The following BMPER variants were observed in gnomAD, a reference collection of about 807,000 sequenced individuals.
BMPER encodes BMP-binding endothelial regulator protein.
A neutral mutation model predicts 87.3 loss-of-function variants in BMPER; 45 were observed. That is an observed-to-expected ratio of 0.52 (90% CI 0.41 to 0.66). BMPER has a LOEUF of 0.66. BMPER is among the 30% of genes least tolerant of loss of function. The pLI is 0.00. For missense variants in BMPER, 784 were observed against 867.5 expected (o/e 0.90, Z 1.21); for synonymous variants, 326 against 316.2 (o/e 1.03, Z -0.33).
At chr7:34,040,936 G>A (rs979887644) in intron 6 of BMPER, among the ~76,000 whole-genome samples, 1 of 152,292 alleles carries the variant, frequency 6.6e-6, no homozygotes, top group Admixed American at 6.5e-5. Context: ...TAACAAAAAT[G>A]TGGGCAATAT....
At chr7:34,003,193 A>G (rs1786631818) in intron 6 of BMPER, among the ~76,000 whole-genome samples, 1 of 151,838 alleles carries the variant, frequency 6.6e-6, no homozygotes, top group Non-Finnish European at 1.5e-5. Flanking sequence ...ACACACACAC[A>G]TATATACACA....
chr7:34,038,162 A>G (rs1274042693), intron 6 of BMPER, among the ~76,000 whole-genome samples: 1 of 152,172 alleles, frequency 6.6e-6, no homozygotes, highest in African/African-American at 2.4e-5. Context: ...TAAGTTAAGG[A>G]CCTTGCGATG....
At position 34,055,438 on chromosome 7, in the gene BMPER, T is replaced by C. The variant is rs1004029675; in HGVS notation, c.927+135T>C. ...AAATGTATATGTGTGCATATATTAA[T>C]AGAATGTATTTATATTACAGTATTA... On this transcript the variant is annotated intron_variant, in intron 9 of 14. Coordinates refer to ENST00000649409, the MANE Select transcript of BMPER (RefSeq NM_001365308.1). 4 of 1,108,916 alleles carry C rather than the reference T, an allele frequency of 3.6e-6. No homozygotes were observed. In the Admixed American group the frequency reaches 5.7e-5, roughly 16 times the overall value. The allele number at this position is 1,108,916 out of a possible 1,614,324, so 68.7% of individuals were successfully genotyped here.
intron 6 of BMPER, among the ~76,000 whole-genome samples, chr7:34,029,523 C>T (rs893233188): frequency 1.3e-5 from 2 of 152,090 alleles, no homozygotes; most frequent in African/African-American, 4.8e-5. Flanking sequence ...TCCTTGTTTA[C>T]TCAGCTCCTT....
At chr7:33,958,386 C>G (rs144331601) in intron 3 of BMPER, among the ~76,000 whole-genome samples, 1 of 152,200 alleles carries the variant, frequency 6.6e-6, no homozygotes, top group African/African-American at 2.4e-5. Flanking sequence ...GTTGAAAGGC[C>G]CAAGGCTTAG....
At chr7:34,030,140 T>A (rs1787482461) in intron 6 of BMPER, among the ~76,000 whole-genome samples, 1 of 152,066 alleles carries the variant, frequency 6.6e-6, no homozygotes, top group African/African-American at 2.4e-5. Flanking sequence ...CCATATTATT[T>A]GATATCATAT....
chr7:34,131,455 C>T (rs765794734), intron 13 of BMPER, among the ~76,000 whole-genome samples: 4 of 152,148 alleles, frequency 2.6e-5, no homozygotes, highest in South Asian at 2.1e-4. Flanking sequence ...CAGGGGCAGC[C>T]GCCTCTGCCG....
intron 6 of BMPER, among the ~76,000 whole-genome samples, chr7:33,990,469 T>C (rs1426833159): frequency 6.9e-6 from 1 of 144,724 alleles, no homozygotes; most frequent in African/African-American, 2.6e-5. Flanking sequence ...TGATTTTGTA[T>C]CCTGAGACTT....
intron 6 of BMPER, among the ~76,000 whole-genome samples, chr7:33,992,140 G>A (rs1023947682): frequency 2.6e-5 from 4 of 151,414 alleles, no homozygotes; most frequent in Non-Finnish European, 4.4e-5. Context: ...GGTCCACTTG[G>A]TGCAGAGCTG....
At chr7:34,067,287 T>G (rs1384829878) in intron 11 of BMPER, 1 of 152,156 alleles carries the variant, frequency 6.6e-6, no homozygotes, top group Non-Finnish European at 1.5e-5. Flanking sequence ...AGCCACTCGT[T>G]TTGGCACATC....
chr7:34,062,515 G>C (rs1416783770), intron 11 of BMPER, among the ~76,000 whole-genome samples: 1 of 148,238 alleles, frequency 6.7e-6, no homozygotes, highest in Non-Finnish European at 1.5e-5. Flanking sequence ...CAGTCTTGCT[G>C]TTGGCAAAGA....
At chr7:34,069,076 G>A (rs542133717) in intron 11 of BMPER, among the ~76,000 whole-genome samples, 21 of 152,298 alleles carry the variant, frequency 1.4e-4, no homozygotes, top group Non-Finnish European at 1.8e-4. Flanking sequence ...AAAGATATGC[G>A]AATTCATTAT....
chr7:34,140,199 G>A (rs868313742), intron 13 of BMPER, among the ~76,000 whole-genome samples: 2 of 152,266 alleles, frequency 1.3e-5, no homozygotes, highest in Middle Eastern at 3.4e-3. Flanking sequence ...CTGCCTCATA[G>A]CCCATTGCCA....
chr7:34,032,268 C>T (rs73329134), intron 6 of BMPER, among the ~76,000 whole-genome samples: 22,529 of 151,816 alleles, frequency 0.15, 2,855 homozygotes, highest in African/African-American at 0.35. Context: ...ACCATATGTA[C>T]TTCCAGCTTT....
chr7:33,922,095 A>G (rs1043759985), intron 2 of BMPER: 7 of 306,010 alleles, frequency 2.3e-5, no homozygotes, highest in Non-Finnish European at 4.6e-5. Context: ...CTGCTGAGGG[A>G]GAGTGTAAAG....
intron 6 of BMPER, among the ~76,000 whole-genome samples, chr7:34,004,781 A>G (rs1341326963): frequency 6.6e-6 from 1 of 152,094 alleles, no homozygotes; most frequent in Non-Finnish European, 1.5e-5. Flanking sequence ...CATGTTTTCA[A>G]AATTTCAGTG....
rs1791296641 is a variant in BMPER at position 34,156,119 on chromosome 7, C to T, written c.*2846C>T. 6.6e-6 allele frequency among the ~76,000 whole-genome samples: 1 copy of T among 152,196 alleles called. No individual in the cohort carries two copies. The highest frequency in any genetic ancestry group is 1.5e-5 in the Non-Finnish European group (1 of 68,038). ...AACTCTTCAGGTTGAAGGCCTCACT[C>T]ATCTTAACTCGTTGACTGCTTCCTG... On this transcript the variant is annotated 3_prime_UTR_variant, in exon 15 of 15. Transcript: ENST00000649409.
intron 6 of BMPER, among the ~76,000 whole-genome samples, chr7:33,987,739 T>C (rs914760020): frequency 2.6e-5 from 4 of 152,144 alleles, no homozygotes; most frequent in African/African-American, 9.7e-5. Context: ...GACAATGTGA[T>C]CATGATTAAC....
rs1316908223 is a variant in BMPER, at chr7:34,055,182, A to C, written c.806A>C (p.Lys269Thr). The change falls in exon 9 of 15, where the codon AAG (lysine) becomes ACG (threonine). Residue 269 changes from lysine (K) to threonine (T), a missense_variant. By Grantham distance (78) the Lys-to-Thr change is moderately conservative (BLOSUM62 -1). Transcript: ENST00000649409. The stretch of plus-strand genomic sequence containing the variant: ...CCCCAGGACTCTACTGTGGTTTGCA[A>C]GAGGAAGTGCTCCCACCCTGGTGGC... ...CTCRDSTVVC[K>T]RKCSHPGGCD... The C allele has an allele frequency of 6.2e-7, 1 of 1,614,032 alleles. No individual in the cohort carries two copies. Among genetic ancestry groups the C allele is most frequent in the Non-Finnish European group, 8.5e-7 (1 of 1,180,016 alleles).
Sources: gnomAD v4.1 joint callset for allele counts (sites outside exome capture counted in the v4.1 genomes callset) on GRCh38, gnomAD v4.1.1 for gene constraint, MANE v1.5 for transcripts, NCBI Gene and HGNC (gene_info 2026-07-23, HGNC 2026-07-21) for gene names.